Variants in FXR1 observed in about 807,000 individuals in gnomAD.
The protein encoded by FXR1 is FMR1 autosomal homolog 1, also known as RNA-binding protein FXR1.
Under a neutral mutation model 84.0 loss-of-function variants are expected in FXR1, and 15 were observed. That is an observed-to-expected ratio of 0.18 (90% CI 0.12 to 0.27). The LOEUF is 0.27. Among genes scored for constraint, FXR1 ranks in the 10% least tolerant of loss-of-function variants. The pLI, the probability that FXR1 is intolerant of heterozygous loss-of-function variation, is 1.00. For missense variants in FXR1, 480 were observed against 774.4 expected (o/e 0.62, Z 4.51); for synonymous variants, 245 against 250.7 (o/e 0.98, Z 0.21).
intron 15 of FXR1, 27 bp downstream of exon 15, chr3:180,970,385 TA>T (rs751462659): frequency 6.9e-5 from 3 of 43,694 alleles, no homozygotes; most frequent in Non-Finnish European, 1.3e-4. Context: ...GGAAGAGAAA[TA>T]TATATATATA....
chr3:180,949,454 T>A, intron 7 of FXR1, 111 bp downstream of exon 7: 1 of 714,738 alleles, frequency 1.4e-6, no homozygotes, highest in Non-Finnish European at 2.6e-6. Context: ...TGGCACAATC[T>A]TGGCTTACTG....
At position 180,947,950 on chromosome 3, in the gene FXR1, A is replaced by G. The variant is rs1223678596; in HGVS notation, c.270+14A>G. On this transcript the variant is annotated intron_variant, in intron 4 of 16. Transcript: ENST00000357559. ...ATGAAAGGAGAAGTAAGTACTCTTC[A>G]CACTTGCTTTGTGACTAGTTTCTAA... 1 of 1,517,512 alleles carries G rather than the reference A, an allele frequency of 6.6e-7. No individual in the cohort carries two copies. The allele number at this position is 1,517,512 out of a possible 1,614,324, so 94.0% of individuals were successfully genotyped here. A position where few individuals can be genotyped will look rare whatever the true frequency, so the allele number is the denominator to read the frequency against.
chr3:180,942,150 G>A (rs948208291), intron 3 of FXR1, among the ~76,000 whole-genome samples: 10 of 151,790 alleles, frequency 6.6e-5, no homozygotes, highest in African/African-American at 2.4e-5. Context: ...AGGCCGAGGC[G>A]GGCAGATCAT....
At chr3:180,951,754 C>G (rs903629268) in intron 8 of FXR1, among the ~76,000 whole-genome samples, 1 of 151,542 alleles carries the variant, frequency 6.6e-6, no homozygotes, top group African/African-American at 2.4e-5. Flanking sequence ...AATAATCTAT[C>G]GAAGTATTTT....
chr3:180,928,897 T>C (rs932934550), intron 1 of FXR1, among the ~76,000 whole-genome samples: 5 of 152,072 alleles, frequency 3.3e-5, no homozygotes, highest in Non-Finnish European at 4.4e-5. Flanking sequence ...ATCCCTACTT[T>C]CATTTTACAC....
At chr3:180,942,059 A>G (rs572418466) in intron 3 of FXR1, among the ~76,000 whole-genome samples, 1 of 152,200 alleles carries the variant, frequency 6.6e-6, no homozygotes, top group Admixed American at 6.5e-5. Flanking sequence ...TGTCTTTGAT[A>G]CTTATTCTTA....
intron 1 of FXR1, among the ~76,000 whole-genome samples, chr3:180,924,401 TCTC>T (rs540820438): frequency 3.2e-3 from 490 of 152,328 alleles, no homozygotes; most frequent in African/African-American, 0.011. Context: ...CGGGCTGTAT[TCTC>T]CTAGAATCCT....
intron 8 of FXR1, among the ~76,000 whole-genome samples, chr3:180,953,447 G>A (rs112573463): frequency 3.2e-4 from 49 of 152,288 alleles, no homozygotes; most frequent in African/African-American, 1.2e-3. Flanking sequence ...TTAGGATTGG[G>A]TTAAAGTTTT....
At chr3:180,975,246 C>T in intron 15 of FXR1, 67 bp from the exon 16 acceptor site, 1 of 637,014 alleles carries the variant, frequency 1.6e-6, no homozygotes, top group Non-Finnish European at 2.7e-6. Flanking sequence ...TGAAATTACC[C>T]TTTATCCATA....
chr3:180,913,524 G>GT (rs987628056), intron 1 of FXR1, among the ~76,000 whole-genome samples: 8 of 152,152 alleles, frequency 5.3e-5, no homozygotes, highest in South Asian at 4.1e-4. Context: ...GTTTTGTTTT[G>GT]TTTTTTCTCC....
chr3:180,963,171 A>G, intron 13 of FXR1, 81 bp downstream of exon 13: 2 of 648,578 alleles, frequency 3.1e-6, no homozygotes, highest in Non-Finnish European at 5.4e-6. Context: ...ACATTTTCTT[A>G]TAATTAGTTC....
chr3:180,933,106 T>C (rs1720123454), intron 1 of FXR1: 1 of 474,498 alleles, frequency 2.1e-6, no homozygotes, highest in Admixed American at 4.2e-5. Flanking sequence ...TTACTTTTGC[T>C]AATTCCCAGG....
At chr3:180,973,361 G>T (rs989209342) in intron 15 of FXR1, among the ~76,000 whole-genome samples, 2 of 152,166 alleles carry the variant, frequency 1.3e-5, no homozygotes, top group African/African-American at 2.4e-5. Context: ...TGTTAGGTTG[G>T]TGCAGTTTTT....
chr3:180,915,393 C>T (rs1717763245), intron 1 of FXR1: 1 of 706,740 alleles, frequency 1.4e-6, no homozygotes, highest in East Asian at 2.7e-5. Flanking sequence ...CATAGTTTTT[C>T]TTATTCAGAA....
At position 180,964,673 on chromosome 3, in the gene FXR1, T is replaced by TTATATATATATATATATATA. The variant is rs10600370; in HGVS notation, c.1198+1592_1198+1611dup. 3.8e-3 allele frequency among the ~76,000 whole-genome samples: 512 copies of TTATATATATATATATATATA among 136,224 alleles called. 2 individuals are homozygous for TTATATATATATATATATATA. Among genetic ancestry groups the TTATATATATATATATATATA allele is most frequent in the African/African-American group, 7.7e-3 (264 of 34,506 alleles). 89.4% of individuals were successfully genotyped at this position (136,224 alleles called of 152,430 possible). ...TATATCAGAGGGACTTGTAGTTGAT[T>TTATATATATATATATATATA]TATATATATATATATATATATATAT... is the stretch of plus-strand genomic sequence containing the variant. On this transcript the variant is annotated intron_variant, in intron 13 of 16. Coordinates refer to ENST00000357559, the MANE Select transcript of FXR1 (RefSeq NM_005087.4).
At chr3:180,925,957 C>T (rs1333166659) in intron 1 of FXR1, among the ~76,000 whole-genome samples, 2 of 152,088 alleles carry the variant, frequency 1.3e-5, no homozygotes, top group East Asian at 3.9e-4. Context: ...TTAACCTAGT[C>T]AGAGGAAAGA....
At chr3:180,940,347 G>A (rs1720982271) in intron 3 of FXR1, among the ~76,000 whole-genome samples, 2 of 152,086 alleles carry the variant, frequency 1.3e-5, no homozygotes, top group African/African-American at 4.8e-5. Context: ...AAGGTAATGT[G>A]AAAATGAAGA....
At chr3:180,922,815 T>C (rs62291432) in intron 1 of FXR1, among the ~76,000 whole-genome samples, 8 of 152,166 alleles carry the variant, frequency 5.3e-5, no homozygotes, top group Non-Finnish European at 7.4e-5. Context: ...GGTCTTGTTA[T>C]GTTGCCCAGG....
intron 15 of FXR1, chr3:180,971,532 T>C (rs1713584544): frequency 6.6e-6 from 1 of 152,630 alleles, no homozygotes. Context: ...GCATGGTGCC[T>C]GCTTACTATA....
Sources: gnomAD v4.1 joint callset for allele counts (sites outside exome capture counted in the v4.1 genomes callset) on GRCh38, gnomAD v4.1.1 for gene constraint, MANE v1.5 for transcripts, NCBI Gene and HGNC (gene_info 2026-07-23, HGNC 2026-07-21) for gene names.